Variants in RSPO2 observed in about 807,000 individuals in gnomAD.
RSPO2 encodes the protein R-spondin 2.
In RSPO2, 14 loss-of-function variants were observed where a neutral mutation model predicts 30.9. The ratio of observed to expected loss-of-function variants is 0.45; its 90% CI spans 0.30 to 0.71. The LOEUF (loss-of-function observed/expected upper bound fraction) is 0.71. RSPO2 is among the 30% of genes least tolerant of loss of function. RSPO2 has a pLI of 0.08. For synonymous variants in RSPO2, 107 were observed against 96.4 expected, an observed-to-expected ratio of 1.11 and a Z score of -0.64; for missense variants, 264 against 301.9, an observed-to-expected ratio of 0.87 and a Z score of 0.93.
At chr8:107,987,891 A>AT (rs1258257180) in intron 3 of RSPO2, among the ~76,000 whole-genome samples, 4 of 152,062 alleles carry the variant, frequency 2.6e-5, no homozygotes, top group Non-Finnish European at 5.9e-5. Context: ...CACTCTCATA[A>AT]ATATGAGATT....
chr8:108,013,598 G>A (rs575352469), intron 2 of RSPO2, among the ~76,000 whole-genome samples: 5 of 152,148 alleles, frequency 3.3e-5, no homozygotes, highest in Non-Finnish European at 7.4e-5. Context: ...CAAGCAATGG[G>A]GAAAGGATTC....
chr8:107,909,147 C>CTGAAGCACAGAAGATCT (rs1226353119), intron 5 of RSPO2, among the ~76,000 whole-genome samples: 2 of 152,060 alleles, frequency 1.3e-5, no homozygotes, highest in African/African-American at 2.4e-5. Context: ...TATGAAGCAA[C>CTGAAGCACAGAAGATCT]TGAAGCACAG....
intron 2 of RSPO2, among the ~76,000 whole-genome samples, chr8:108,006,539 AAGAC>A (rs1179993829): frequency 6.6e-6 from 1 of 152,090 alleles, no homozygotes; most frequent in African/African-American, 2.4e-5. Flanking sequence ...ATTAAAATAT[AAGAC>A]AGACAAGAAG....
chr8:107,960,418 C>T (rs1255502616), intron 4 of RSPO2, among the ~76,000 whole-genome samples: 1 of 151,588 alleles, frequency 6.6e-6, no homozygotes, highest in Non-Finnish European at 1.5e-5. Context: ...ATGTATTACA[C>T]GGATGATTAA....
At chr8:107,952,197 C>T (rs1294222850) in intron 5 of RSPO2, among the ~76,000 whole-genome samples, 2 of 152,022 alleles carry the variant, frequency 1.3e-5, no homozygotes, top group Non-Finnish European at 2.9e-5. Flanking sequence ...CTTTGTTTAA[C>T]ACCAACTTAA....
At chr8:107,901,264 G>C in intron 5 of RSPO2, 74 bp from the exon 6 acceptor site, 2 of 1,500,404 alleles carry the variant, frequency 1.3e-6, no homozygotes, top group African/African-American at 1.4e-5. Context: ...AAAAATATTG[G>C]GAGTTTTGCA....
intron 2 of RSPO2, among the ~76,000 whole-genome samples, chr8:108,049,594 C>G (rs964584640): frequency 2.0e-5 from 3 of 151,928 alleles, no homozygotes; most frequent in African/African-American, 7.3e-5. Flanking sequence ...ATGTTCCCCC[C>G]TTCCTGTGTC....
intron 2 of RSPO2, among the ~76,000 whole-genome samples, chr8:108,066,850 T>C (rs1338455880): frequency 1.3e-5 from 2 of 152,206 alleles, no homozygotes; most frequent in Admixed American, 6.5e-5. Context: ...TGGTACCACA[T>C]GAACCCACTG....
chr8:107,942,053 CTT>C (rs1338702069), intron 5 of RSPO2, among the ~76,000 whole-genome samples: 7 of 152,122 alleles, frequency 4.6e-5, no homozygotes, highest in Non-Finnish European at 1.0e-4. Flanking sequence ...TCGATAGTAA[CTT>C]AAGAGAATCA....
At chr8:108,042,826 CT>C (rs1261981674) in intron 2 of RSPO2, among the ~76,000 whole-genome samples, 1 of 152,080 alleles carries the variant, frequency 6.6e-6, no homozygotes, top group Non-Finnish European at 1.5e-5. Context: ...GAATCAAAGG[CT>C]TTGTTTGGAG....
chr8:107,900,821 G>A lies in RSPO2; in HGVS notation c.*254C>T. The A allele has an allele frequency of 8.3e-6, 3 of 363,418 alleles. No individual in the cohort carries two copies. Among genetic ancestry groups the A allele is most frequent in the Non-Finnish European group, 1.5e-5 (3 of 202,020 alleles). 22.5% of individuals were successfully genotyped at this position (363,418 alleles called of 1,614,324 possible). On this transcript the variant is annotated 3_prime_UTR_variant, in exon 6 of 6. Coordinates refer to ENST00000276659, the MANE Select transcript of RSPO2 (RefSeq NM_178565.5). ...ACCTCTAGCATGTCCATGGTGCCGG[G>A]GACGGATTCTCTCAGCACACACTGA...
intron 3 of RSPO2, among the ~76,000 whole-genome samples, chr8:107,988,841 T>C (rs1706446007): frequency 6.6e-6 from 1 of 152,172 alleles, no homozygotes. Context: ...TTGGCCAGAC[T>C]GGTCTCCAAC....
At chr8:108,001,412 C>T (rs1477823623) in intron 2 of RSPO2, among the ~76,000 whole-genome samples, 1 of 152,108 alleles carries the variant, frequency 6.6e-6, no homozygotes, top group Admixed American at 6.5e-5. Context: ...AATTACTCCC[C>T]TTTTTCCCCC....
At chr8:107,994,542 G>A (rs976650968) in intron 2 of RSPO2, among the ~76,000 whole-genome samples, 2 of 151,992 alleles carry the variant, frequency 1.3e-5, no homozygotes, top group Non-Finnish European at 2.9e-5. Flanking sequence ...TAAAAGAAAA[G>A]ACACAAAATA....
At chr8:108,056,761 TA>T (rs1270268172) in intron 2 of RSPO2, among the ~76,000 whole-genome samples, 1 of 150,150 alleles carries the variant, frequency 6.7e-6, no homozygotes, top group African/African-American at 2.5e-5. Context: ...ATTCCTAAGA[TA>T]AAAAAGATGT....
Position 107,958,132 on chromosome 8 carries a change from T to C in RSPO2, c.564A>G (p.Pro188=). Residue 188 remains proline, a synonymous_variant, in exon 5 of 6, where the codon CCA becomes CCG. Transcript: ENST00000276659. ...KKPVKDTILC[P]TIAESRRCKM... Reference sequence around the variant, plus strand: ...TGCATCTCCTGGATTCAGCAATGGTTGGACACAGTATTGTGTCTTTCACTG... The same window carrying C: ...TGCATCTCCTGGATTCAGCAATGGTCGGACACAGTATTGTGTCTTTCACTG... 1 of 1,613,946 alleles carries C rather than the reference T, an allele frequency of 6.2e-7. No homozygotes were observed. Among genetic ancestry groups the C allele is most frequent in the Non-Finnish European group, 8.5e-7 (1 of 1,179,822 alleles).
Position 107,900,168 on chromosome 8 carries a change from G to A in RSPO2, c.*907C>T, listed in dbSNP as rs190352029. On this transcript the variant is annotated 3_prime_UTR_variant, in exon 6 of 6. Coordinates refer to ENST00000276659, the MANE Select transcript of RSPO2 (RefSeq NM_178565.5). ...TCATCACATCTTAGACTCAAAGGCA[G>A]TTTGGGCTTCTGATTGCCAGATGCC... 6.6e-6 allele frequency: 1 copy of A among 152,198 alleles called. No homozygotes were observed. The highest frequency in any genetic ancestry group is 1.5e-5 in the Non-Finnish European group (1 of 68,040). The allele number at this position is 152,198 out of a possible 1,614,324, so 9.4% of individuals were successfully genotyped here. A position where few individuals can be genotyped will look rare whatever the true frequency, so the allele number is the denominator to read the frequency against.
intron 3 of RSPO2, among the ~76,000 whole-genome samples, chr8:107,965,678 C>G (rs1164290211): frequency 6.6e-6 from 1 of 151,916 alleles, no homozygotes; most frequent in Non-Finnish European, 1.5e-5. Flanking sequence ...CCATTCCTAA[C>G]ACAGTATTGG....
At chr8:107,942,134 C>T (rs1430577220) in intron 5 of RSPO2, among the ~76,000 whole-genome samples, 2 of 152,102 alleles carry the variant, frequency 1.3e-5, no homozygotes, top group African/African-American at 2.4e-5. Flanking sequence ...CCTGGTCTCC[C>T]CAAGAACCTC....
Sources: gnomAD v4.1 joint callset for allele counts (sites outside exome capture counted in the v4.1 genomes callset) on GRCh38, gnomAD v4.1.1 for gene constraint, MANE v1.5 for transcripts, NCBI Gene and HGNC (gene_info 2026-07-23, HGNC 2026-07-21) for gene names.